The following ANGEL2 variants were observed in gnomAD, a reference collection of about 807,000 sequenced individuals.
ANGEL2 encodes the protein RNA 2',3'-cyclic phosphatase ANGEL2.
In ANGEL2, 41 loss-of-function variants were observed where a neutral mutation model predicts 66.0. That is an observed-to-expected ratio of 0.62 (90% CI 0.48 to 0.81). ANGEL2 has a LOEUF of 0.81. Ranked by LOEUF, ANGEL2 falls within the 30% of genes least tolerant of loss-of-function variation. ANGEL2 has a pLI of 0.00. For synonymous variants in ANGEL2, 208 were observed against 226.5 expected (o/e 0.92, Z 0.73); for missense variants, 561 against 641.6 (o/e 0.87, Z 1.36).
Position 213,013,408 on chromosome 1 carries a change from A to G in ANGEL2, c.70T>C (p.Phe24Leu). Residue 24 changes from phenylalanine to leucine, a missense_variant, in exon 2 of 9, where the codon TTT becomes CTT. Physicochemically the swap from Phe to Leu is conservative, Grantham distance 22. Transcript: ENST00000366962. ...CVVGRGRYPM[F>L]PHHSRSLGRD... Reference sequence around the variant, plus strand: ...CCCAGACTCCTCGAGTGATGGGGAAACATGGGGTATCTAAAAGAAATAAAT... The same window carrying G: ...CCCAGACTCCTCGAGTGATGGGGAAGCATGGGGTATCTAAAAGAAATAAAT... 1 of 1,611,836 alleles carries G rather than the reference A, an allele frequency of 6.2e-7. No homozygotes were observed. Among genetic ancestry groups the G allele is most frequent in the African/African-American group, 1.3e-5 (1 of 74,896 alleles).
intron 2 of ANGEL2, among the ~76,000 whole-genome samples, chr1:213,012,594 C>T (rs1171911746): frequency 6.6e-6 from 1 of 152,178 alleles, no homozygotes; most frequent in Non-Finnish European, 1.5e-5. Context: ...TTGAGATATA[C>T]AGATGTAATA....
In ANGEL2 at chr1:213,013,320, C is replaced by G. The variant is rs1006473993; in HGVS notation, c.158G>C (p.Ser53Thr). ...QRCCWNRHISSCMRWPGHYSR... is the reference protein window; with the variant it reads ...QRCCWNRHISTCMRWPGHYSR... ...GTAATGTCCAGGCCACCTCATACAA[C>G]TAGAAATATGTCTGTTCCAGCAACA... The change falls in exon 2 of 9, where the codon AGT becomes ACT. Residue 53 changes from serine (S) to threonine (T), a missense_variant. Coordinates refer to ENST00000366962, the MANE Select transcript of ANGEL2 (RefSeq NM_144567.5). 1.2e-6 allele frequency: 2 copies of G among 1,614,032 alleles called. No individual in the cohort carries two copies. Among genetic ancestry groups the G allele is most frequent in the Non-Finnish European group, 1.7e-6 (2 of 1,180,022 alleles).
At position 213,015,831 on chromosome 1, in the gene ANGEL2, G is replaced by A; in HGVS notation, c.-160C>T. 1.2e-6 allele frequency: 1 copy of A among 862,152 alleles called. No individual in the cohort carries two copies. Among genetic ancestry groups the A allele is most frequent in the Admixed American group, 2.4e-5 (1 of 41,184 alleles). 53.4% of individuals were successfully genotyped at this position (862,152 alleles called of 1,614,324 possible). A position where few individuals can be genotyped will look rare whatever the true frequency, so the allele number is the denominator to read the frequency against. On this transcript the variant is annotated 5_prime_UTR_variant, in exon 1 of 9. Transcript: ENST00000366962. ...CTGGGAGGTGCAGTCTCGCCGGCCG[G>A]CCTACACTCCATCTTGCGCAGTCAG...
chr1:212,998,739 G>A (rs1450335429), intron 7 of ANGEL2, among the ~76,000 whole-genome samples: 1 of 151,492 alleles, frequency 6.6e-6, no homozygotes, highest in Non-Finnish European at 1.5e-5. Context: ...TGTTAGCCAG[G>A]ATGGTCTCAA....
intron 3 of ANGEL2, among the ~76,000 whole-genome samples, chr1:213,007,545 C>T (rs1205941495): frequency 6.6e-6 from 1 of 152,128 alleles, no homozygotes; most frequent in Non-Finnish European, 1.5e-5. Context: ...TCTTTGAATG[C>T]TATCAGGTAG....
At chr1:213,015,552 CG>C in intron 1 of ANGEL2, 60 bp downstream of exon 1, 1 of 1,601,640 alleles carries the variant, frequency 6.2e-7, no homozygotes, top group Admixed American at 1.7e-5. Flanking sequence ...CCCGGACGCC[CG>C]CCCGCTCTTT....
chr1:213,003,589 A>C (rs942220064), intron 5 of ANGEL2, among the ~76,000 whole-genome samples: 5 of 152,176 alleles, frequency 3.3e-5, no homozygotes, highest in African/African-American at 7.2e-5. Context: ...TTTATCGATT[A>C]AGTTCTCATT....
At chr1:212,999,953 T>C (rs1156310909) in intron 7 of ANGEL2, among the ~76,000 whole-genome samples, 3 of 152,244 alleles carry the variant, frequency 2.0e-5, no homozygotes, top group Non-Finnish European at 4.4e-5. Context: ...TGTTTAAGTA[T>C]GTGAATTTCA....
chr1:212,997,070 T>C lies in ANGEL2; in HGVS notation c.1483+85A>G, dbSNP rs536674875. The C allele has an allele frequency of 1.6e-5, 20 of 1,224,874 alleles. 1 individual carries two copies. The African/African-American group carries it at 3.0e-4, about 18-fold the overall frequency. 75.9% of individuals were successfully genotyped at this position (1,224,874 alleles called of 1,614,324 possible). A position where few individuals can be genotyped will look rare whatever the true frequency, so the allele number is the denominator to read the frequency against. ...TTCTAGATCTAGAACTTCAACTGGA[T>C]GTTTAGAGAGCTTTCTTAACTTTAA... is the stretch of plus-strand genomic sequence containing the variant. On this transcript the variant is annotated intron_variant, in intron 8 of 8. Transcript: ENST00000366962.
rs2076051398 is a variant in ANGEL2 at position 212,997,270 on chromosome 1, T to A, written c.1368A>T (p.Ser456=). 1 of 1,612,996 alleles carries A rather than the reference T, an allele frequency of 6.2e-7. No individual in the cohort carries two copies. Among genetic ancestry groups the A allele is most frequent in the Non-Finnish European group, 8.5e-7 (1 of 1,179,108 alleles). Reference sequence around the variant, plus strand: ...GAATTCCAGTGTCAGGAAAGTAATGTGAATAAACAGATGACAAACTGAAAT... The same window carrying A: ...GAATTCCAGTGTCAGGAAAGTAATGAGAATAAACAGATGACAAACTGAAAT... ...QHHFSLSSVY[S]HYFPDTGIPE... is the part of the protein sequence containing the mutation. The change falls in exon 8 of 9, where the codon TCA becomes TCT. Residue 456 remains serine (S), a synonymous_variant. Transcript: ENST00000366962.
At chr1:213,007,343 GT>G in intron 3 of ANGEL2, 145 bp from the exon 4 acceptor site, 1 of 652,822 alleles carries the variant, frequency 1.5e-6, no homozygotes, top group Non-Finnish European at 2.5e-6. Context: ...TGTTTTTCTT[GT>G]TATAGATCTA....
intron 5 of ANGEL2, among the ~76,000 whole-genome samples, chr1:213,003,324 T>C (rs2076230566): frequency 6.6e-6 from 1 of 152,250 alleles, no homozygotes; most frequent in South Asian, 2.1e-4. Flanking sequence ...AACTTTTCCT[T>C]GCATTCACAA....
chr1:212,997,672 T>C (rs559329472), intron 7 of ANGEL2, among the ~76,000 whole-genome samples: 53 of 152,210 alleles, frequency 3.5e-4, no homozygotes, highest in Non-Finnish European at 5.4e-4. Context: ...AGGAACACTA[T>C]TTGGAATCCT....
rs202219003 is a variant in ANGEL2, at chr1:213,008,178, T to A, written c.642+32A>T. The stretch of plus-strand genomic sequence containing the variant: ...TGTGCCCGGCCCCAACTTTTTCTTA[T>A]GTGAAGAATTTCAATAATATTTTGC... On this transcript the variant is annotated intron_variant, in intron 3 of 8. Coordinates refer to ENST00000366962, the MANE Select transcript of ANGEL2 (RefSeq NM_144567.5). The A allele has an allele frequency of 3.8e-6, 6 of 1,598,244 alleles. No individual in the cohort carries two copies. The African/African-American group carries it at 6.7e-5, about 18-fold the overall frequency.
At chr1:213,013,464 C>G in intron 1 of ANGEL2, 46 bp from the exon 2 acceptor site, 2 of 1,501,078 alleles carry the variant, frequency 1.3e-6, no homozygotes, top group Non-Finnish European at 1.8e-6. Context: ...TTTTGTTCAG[C>G]TATAGTTTAC....
intron 8 of ANGEL2, 59 bp downstream of exon 8, chr1:212,997,096 C>G: frequency 3.4e-6 from 5 of 1,467,464 alleles, no homozygotes; most frequent in Non-Finnish European, 4.6e-6. Flanking sequence ...TTAACTTTAA[C>G]CTTGAGGTTT....
intron 1 of ANGEL2, among the ~76,000 whole-genome samples, chr1:213,013,714 A>G (rs2076567485): frequency 6.6e-6 from 1 of 152,246 alleles, no homozygotes; most frequent in Non-Finnish European, 1.5e-5. Flanking sequence ...AGATGAATCA[A>G]CTATCAAAAT....
chr1:213,004,665 C>T (rs2076269412), intron 5 of ANGEL2, among the ~76,000 whole-genome samples: 2 of 151,672 alleles, frequency 1.3e-5, no homozygotes, highest in South Asian at 2.1e-4. Context: ...GTAAGGAGTT[C>T]GAGACCAGCC....
chr1:213,012,318 C>A (rs528562916), intron 2 of ANGEL2, among the ~76,000 whole-genome samples: 1 of 152,238 alleles, frequency 6.6e-6, no homozygotes, highest in Non-Finnish European at 1.5e-5. Context: ...ATTATCTTCA[C>A]TGAAAATTAT....
Sources: gnomAD v4.1 joint callset for allele counts (sites outside exome capture counted in the v4.1 genomes callset) on GRCh38, gnomAD v4.1.1 for gene constraint, MANE v1.5 for transcripts, NCBI Gene and HGNC (gene_info 2026-07-23, HGNC 2026-07-21) for gene names.